Variants in NCKAP5 observed in about 807,000 individuals in gnomAD.
NCKAP5 encodes the protein nck-associated protein 5.
In NCKAP5, 92 loss-of-function variants were observed where a neutral mutation model predicts 167.0. The ratio of observed to expected loss-of-function variants is 0.55; its 90% CI spans 0.47 to 0.66. NCKAP5 has a LOEUF of 0.66. NCKAP5 is among the 30% of genes least tolerant of loss of function. The pLI is 0.00. For missense variants in NCKAP5, 2,378 were observed against 2,315.0 expected (o/e 1.03, Z -0.56); for synonymous variants, 891 against 877.4 (o/e 1.02, Z -0.27).
intron 3 of NCKAP5, among the ~76,000 whole-genome samples, chr2:133,514,602 A>G (rs1416329574): frequency 6.6e-6 from 1 of 152,194 alleles, no homozygotes; most frequent in Admixed American, 6.5e-5. Context: ...CATTATGAGA[A>G]TATTTTCCTG....
At chr2:133,190,489 T>C (rs1300252179) in intron 5 of NCKAP5, among the ~76,000 whole-genome samples, 5 of 152,152 alleles carry the variant, frequency 3.3e-5, no homozygotes, top group Non-Finnish European at 7.3e-5. Context: ...AGAACAAAGC[T>C]GGAGGCATCA....
chr2:132,772,783 C>T (rs556595240), intron 16 of NCKAP5, among the ~76,000 whole-genome samples: 18 of 152,230 alleles, frequency 1.2e-4, no homozygotes, highest in Admixed American at 4.6e-4. Flanking sequence ...CATTAAGCCA[C>T]GGGGGTAAAA....
chr2:133,091,461 T>C (rs1227158127), intron 6 of NCKAP5, among the ~76,000 whole-genome samples: 2 of 152,166 alleles, frequency 1.3e-5, no homozygotes, highest in Non-Finnish European at 2.9e-5. Flanking sequence ...CACTAGAATG[T>C]AAGCTCCTCT....
chr2:133,503,796 CAAAGAGTTTCTCTGGA>C (rs1400828406), intron 3 of NCKAP5, among the ~76,000 whole-genome samples: 1 of 152,172 alleles, frequency 6.6e-6, no homozygotes, highest in Non-Finnish European at 1.5e-5. Context: ...ATTCAATTAC[CAAAGAGTTTCTCTGGA>C]TTAATTGCAG....
At chr2:133,004,963 G>C (rs908910354) in intron 6 of NCKAP5, among the ~76,000 whole-genome samples, 6 of 152,192 alleles carry the variant, frequency 3.9e-5, no homozygotes, top group Admixed American at 6.5e-5. Flanking sequence ...AGAGAAATAT[G>C]ATTCTGTTCT....
At chr2:132,806,961 A>G (rs2105238304) in intron 11 of NCKAP5, among the ~76,000 whole-genome samples, 1 of 152,286 alleles carries the variant, frequency 6.6e-6, no homozygotes, top group African/African-American at 2.4e-5. Context: ...ATCTAGTTTC[A>G]TTCTCCTACA....
At chr2:133,430,166 AT>A (rs1690066324) in intron 3 of NCKAP5, among the ~76,000 whole-genome samples, 1 of 151,720 alleles carries the variant, frequency 6.6e-6, no homozygotes, top group African/African-American at 2.4e-5. Context: ...TGATTTTTTA[AT>A]TTTTGTGGGT....
intron 4 of NCKAP5, among the ~76,000 whole-genome samples, chr2:133,281,851 C>T (rs148889141): frequency 9.2e-4 from 140 of 152,304 alleles, no homozygotes; most frequent in African/African-American, 3.3e-3. Context: ...AGAGAAACCA[C>T]CATCTTGAGA....
At chr2:133,410,014 A>T (rs1307730517) in intron 3 of NCKAP5, among the ~76,000 whole-genome samples, 1 of 152,244 alleles carries the variant, frequency 6.6e-6, no homozygotes, top group African/African-American at 2.4e-5. Flanking sequence ...ATGCTGCACC[A>T]TTATAAAAGT....
intron 9 of NCKAP5, among the ~76,000 whole-genome samples, chr2:132,873,173 G>A (rs1440122546): frequency 3.9e-5 from 6 of 152,070 alleles, no homozygotes; most frequent in South Asian, 2.1e-4. Flanking sequence ...GCACGATCTC[G>A]GCTCACTGCA....
the NCKAP5 span, among the ~76,000 whole-genome samples, chr2:133,666,853 T>C: frequency 6.6e-6 from 1 of 151,920 alleles, no homozygotes; most frequent in African/African-American, 2.4e-5. Flanking sequence ...GGTCAGAGTA[T>C]TACAGCAAGA....
chr2:133,114,726 G>T (rs533985548), intron 6 of NCKAP5, among the ~76,000 whole-genome samples: 7 of 151,984 alleles, frequency 4.6e-5, no homozygotes, highest in African/African-American at 7.2e-5. Flanking sequence ...CAGGTCATTT[G>T]TTCCGTAGAA....
intron 3 of NCKAP5, among the ~76,000 whole-genome samples, chr2:133,398,502 A>T (rs1077375): frequency 0.13 from 20,231 of 152,198 alleles, 1,712 homozygotes; most frequent in Non-Finnish European, 0.18. Flanking sequence ...CATCTAAATC[A>T]TGTCAATACA....
intron 16 of NCKAP5, among the ~76,000 whole-genome samples, chr2:132,738,056 T>C (rs1186227409): frequency 1.3e-5 from 2 of 152,246 alleles, no homozygotes; most frequent in Non-Finnish European, 2.9e-5. Context: ...CGTTAATGGA[T>C]GTGAACCTCT....
At chr2:133,192,250 G>A (rs2085258834) in intron 5 of NCKAP5, among the ~76,000 whole-genome samples, 1 of 152,034 alleles carries the variant, frequency 6.6e-6, no homozygotes, top group Admixed American at 6.6e-5. Flanking sequence ...GCAACAAAAA[G>A]AACTTCAACC....
intron 3 of NCKAP5, among the ~76,000 whole-genome samples, chr2:133,516,177 C>A (rs1683976655): frequency 6.6e-6 from 1 of 152,162 alleles, no homozygotes; most frequent in Non-Finnish European, 1.5e-5. Context: ...AAGTGTTTTT[C>A]TTCTGCAAAG....
At chr2:133,357,245 C>T (rs1418211006) in intron 3 of NCKAP5, among the ~76,000 whole-genome samples, 1 of 151,520 alleles carries the variant, frequency 6.6e-6, no homozygotes, top group African/African-American at 2.4e-5. Flanking sequence ...AAATTATAGT[C>T]ACTCAATACT....
At chr2:133,296,293 A>G (rs1055298929) in intron 4 of NCKAP5, among the ~76,000 whole-genome samples, 2 of 152,028 alleles carry the variant, frequency 1.3e-5, no homozygotes, top group South Asian at 2.1e-4. Context: ...TCGACTCCCT[A>G]TGATTTCATC....
Position 133,456,381 on chromosome 2 carries a change from C to T in NCKAP5, c.69+61077G>A, listed in dbSNP as rs187415610. ...AGGTGCCCTTTTGCCCTTCCCTCTC[C>T]GCCTTCTTGCTAGCTGCACTCTGCA... is the stretch of plus-strand genomic sequence containing the variant. On this transcript the variant is annotated intron_variant, in intron 3 of 19. Transcript: ENST00000409261. Among the ~76,000 whole-genome samples the T allele has an allele frequency of 3.5e-4, 53 of 152,238 alleles. 1 individual carries two copies. Among genetic ancestry groups the T allele is most frequent in the Admixed American group, 2.5e-3 (38 of 15,284 alleles).
Sources: gnomAD v4.1 joint callset for allele counts (sites outside exome capture counted in the v4.1 genomes callset) on GRCh38, gnomAD v4.1.1 for gene constraint, MANE v1.5 for transcripts, NCBI Gene and HGNC (gene_info 2026-07-23, HGNC 2026-07-21) for gene names.